Variants in NOL4 observed in about 807,000 individuals in gnomAD.
NOL4 encodes nucleolar protein 4, also known as cancer/testis antigen 125.
NOL4 carries 17 observed loss-of-function variants against 75.9 expected under a neutral mutation model. The observed-to-expected ratio is 0.22, with a 90% CI of 0.15 to 0.34. NOL4 has a LOEUF of 0.34. Ranked by LOEUF, NOL4 falls within the 10% of genes least tolerant of loss-of-function variation. The probability of loss-of-function intolerance (pLI) is 1.00; values close to 1 mark genes in which losing one functional copy is unlikely to be tolerated. For synonymous variants in NOL4, 292 were observed against 289.9 expected, an observed-to-expected ratio of 1.01 and a Z score of -0.07; for missense variants, 614 against 793.5, an observed-to-expected ratio of 0.77 and a Z score of 2.72.
intron 1 of NOL4, among the ~76,000 whole-genome samples, chr18:34,141,768 C>G (rs376996546): frequency 6.6e-6 from 1 of 152,134 alleles, no homozygotes; most frequent in African/African-American, 2.4e-5. Context: ...AGGACATAGG[C>G]ATGGGCAAGG....
chr18:33,867,916 A>C (rs942155497), intron 10 of NOL4, among the ~76,000 whole-genome samples: 1 of 152,176 alleles, frequency 6.6e-6, no homozygotes, highest in Admixed American at 6.6e-5. Context: ...TCTTGGCTCA[A>C]GAAGTCATGC....
intron 5 of NOL4, among the ~76,000 whole-genome samples, chr18:34,090,020 C>T (rs2078437160): frequency 6.6e-6 from 1 of 151,818 alleles, no homozygotes; most frequent in Non-Finnish European, 1.5e-5. Context: ...AATCAAGATA[C>T]AGAAGAGCAT....
At chr18:33,946,032 T>C (rs1599979122) in intron 8 of NOL4, among the ~76,000 whole-genome samples, 2 of 151,802 alleles carry the variant, frequency 1.3e-5, no homozygotes, top group Middle Eastern at 3.4e-3. Context: ...AACAAAAAAT[T>C]CTTTAAAAAA....
chr18:33,984,533 A>G (rs11875547), intron 6 of NOL4, among the ~76,000 whole-genome samples: 2,171 of 152,082 alleles, frequency 0.014, 51 homozygotes, highest in African/African-American at 0.048. Context: ...CCTTGGTGCT[A>G]TCATCACCAT....
At chr18:33,912,603 T>G (rs1217383975) in intron 9 of NOL4, among the ~76,000 whole-genome samples, 1 of 152,052 alleles carries the variant, frequency 6.6e-6, no homozygotes, top group Non-Finnish European at 1.5e-5. Context: ...TTTTGTTCCT[T>G]TGTTCTTCAA....
intron 1 of NOL4, among the ~76,000 whole-genome samples, chr18:34,171,288 T>C (rs2033012902): frequency 6.6e-6 from 1 of 152,158 alleles, no homozygotes; most frequent in Non-Finnish European, 1.5e-5. Flanking sequence ...TTGTTGTTGT[T>C]TTTTGTTTTG....
chr18:34,062,898 A>G (rs1209383477), intron 5 of NOL4, among the ~76,000 whole-genome samples: 3 of 152,156 alleles, frequency 2.0e-5, no homozygotes, highest in African/African-American at 4.8e-5. Context: ...CGTTGCTAAT[A>G]TACAGAACTG....
chr18:34,159,960 C>G (rs1451635315), intron 1 of NOL4, among the ~76,000 whole-genome samples: 1 of 152,086 alleles, frequency 6.6e-6, no homozygotes, highest in East Asian at 1.9e-4. Flanking sequence ...TCATCCCTGG[C>G]CAGGTAAACT....
chr18:34,054,297 G>T (rs2076742941), intron 5 of NOL4, among the ~76,000 whole-genome samples: 1 of 151,720 alleles, frequency 6.6e-6, no homozygotes, highest in African/African-American at 2.4e-5. Context: ...TAAAAGTGGG[G>T]TATTGAAGTC....
At chr18:33,902,393 G>A (rs980942259) in intron 9 of NOL4, among the ~76,000 whole-genome samples, 2 of 152,078 alleles carry the variant, frequency 1.3e-5, no homozygotes, top group African/African-American at 4.8e-5. Context: ...AGATGATAAT[G>A]CTCTCCTTCA....
intron 2 of NOL4, among the ~76,000 whole-genome samples, chr18:34,114,300 T>A (rs2079747397): frequency 6.6e-6 from 1 of 152,200 alleles, no homozygotes; most frequent in Non-Finnish European, 1.5e-5. Flanking sequence ...GATAGAGTAT[T>A]TCCTTAGAAT....
At chr18:34,004,856 AC>A (rs538942366) in intron 6 of NOL4, among the ~76,000 whole-genome samples, 313 of 152,168 alleles carry the variant, frequency 2.1e-3, no homozygotes, top group Non-Finnish European at 2.9e-3. Context: ...TTCATGACTT[AC>A]TTTCAATATT....
chr18:34,164,138 C>G (rs2031968960), intron 1 of NOL4, among the ~76,000 whole-genome samples: 1 of 152,082 alleles, frequency 6.6e-6, no homozygotes, highest in Non-Finnish European at 1.5e-5. Context: ...CATAAAAACC[C>G]TAGAAGAAAA....
At chr18:34,127,826 G>A (rs757229881) in intron 2 of NOL4, among the ~76,000 whole-genome samples, 1 of 151,710 alleles carries the variant, frequency 6.6e-6, no homozygotes, top group Non-Finnish European at 1.5e-5. Flanking sequence ...GAGATCAGAG[G>A]GAAAAAGTTT....
chr18:33,959,614 T>C (rs1041357228), intron 6 of NOL4, among the ~76,000 whole-genome samples: 1 of 152,134 alleles, frequency 6.6e-6, no homozygotes, highest in African/African-American at 2.4e-5. Flanking sequence ...TCTATTTATT[T>C]CTGTTTCATG....
At chr18:34,075,520 A>AAT (rs2077706749) in intron 5 of NOL4, among the ~76,000 whole-genome samples, 3 of 152,088 alleles carry the variant, frequency 2.0e-5, no homozygotes, top group Non-Finnish European at 4.4e-5. Context: ...TTGTGGCATC[A>AAT]TGTTGGCACT....
chr18:34,203,001 C>T (rs2035843136), intron 1 of NOL4, among the ~76,000 whole-genome samples: 1 of 151,936 alleles, frequency 6.6e-6, no homozygotes, highest in Non-Finnish European at 1.5e-5. Flanking sequence ...TTATAATGGC[C>T]TTATGTGTAA....
intron 1 of NOL4, among the ~76,000 whole-genome samples, chr18:34,141,891 C>G (rs1004774552): frequency 6.6e-6 from 1 of 152,132 alleles, no homozygotes; most frequent in African/African-American, 2.4e-5. Flanking sequence ...TCAGAGTGTA[C>G]AGGCAACCTA....
At chr18:33,982,437 A>G (rs2072041383) in intron 6 of NOL4, among the ~76,000 whole-genome samples, 1 of 152,192 alleles carries the variant, frequency 6.6e-6, no homozygotes, top group Non-Finnish European at 1.5e-5. Flanking sequence ...AGCAGACTTC[A>G]AAGCCAGAAG....
Sources: allele counts gnomAD v4.1 joint callset (sites outside exome capture counted in the v4.1 genomes callset), GRCh38; gene constraint gnomAD v4.1.1; transcripts MANE v1.5; gene names NCBI Gene and HGNC (gene_info 2026-07-23, HGNC 2026-07-21).